PRKG1: variants seen among roughly 807,000 people sequenced by gnomAD.
PRKG1 encodes the protein protein kinase cGMP-dependent 1.
A neutral mutation model predicts 88.1 loss-of-function variants in PRKG1; 35 were observed. The ratio of observed to expected loss-of-function variants is 0.40; its 90% CI spans 0.30 to 0.53. The LOEUF (loss-of-function observed/expected upper bound fraction) is 0.53, where lower values mean the gene tolerates loss of function less well. Ranked by LOEUF, PRKG1 falls within the 20% of genes least tolerant of loss-of-function variation. The pLI is 0.59. For missense variants in PRKG1, 540 were observed against 839.8 expected (o/e 0.64, Z 4.41); for synonymous variants, 303 against 292.5 (o/e 1.04, Z -0.37).
intron 3 of PRKG1, among the ~76,000 whole-genome samples, chr10:51,623,295 G>A (rs182614306): frequency 6.6e-6 from 1 of 152,254 alleles, no homozygotes; most frequent in Admixed American, 6.5e-5. Flanking sequence ...CAACCTCCTG[G>A]GCTTAGGCAA....
At chr10:52,061,803 A>G (rs945487206) in intron 6 of PRKG1, among the ~76,000 whole-genome samples, 16 of 152,076 alleles carry the variant, frequency 1.1e-4, no homozygotes, top group African/African-American at 3.9e-4. Flanking sequence ...GTGGATTTTG[A>G]GGGATATAGT....
chr10:51,737,385 A>G (rs560903708), intron 3 of PRKG1, among the ~76,000 whole-genome samples: 1 of 152,300 alleles, frequency 6.6e-6, no homozygotes, highest in African/African-American at 2.4e-5. Context: ...GAAAATGCCT[A>G]TTATCTACTC....
intron 1 of PRKG1, among the ~76,000 whole-genome samples, chr10:51,047,834 T>A (rs556124050): frequency 2.0e-5 from 3 of 152,158 alleles, no homozygotes; most frequent in Non-Finnish European, 4.4e-5. Flanking sequence ...AGTATATATT[T>A]TTTTATAAAA....
chr10:52,273,219 C>G (rs1425092369), intron 12 of PRKG1, among the ~76,000 whole-genome samples: 3 of 151,970 alleles, frequency 2.0e-5, no homozygotes, highest in African/African-American at 7.2e-5. Flanking sequence ...TAAAATGTCT[C>G]AGGAGATCAT....
rs188112446 is a variant in PRKG1 at position 52,078,792 on chromosome 10, A to C, written c.935+16161A>C. Among the ~76,000 whole-genome samples the C allele has an allele frequency of 7.2e-5, 11 of 152,358 alleles. No homozygotes were observed. The East Asian group carries it at 2.1e-3, about 29-fold the overall frequency. On this transcript the variant is annotated intron_variant, in intron 7 of 17. Coordinates refer to ENST00000373980, the MANE Select transcript of PRKG1 (RefSeq NM_006258.4). ...CTTCTAGCAGTGTCTAAATATCCTG[A>C]AAAGTGCTGCTTAACCAAATAATTT...
intron 1 of PRKG1, among the ~76,000 whole-genome samples, chr10:51,133,857 A>T (rs1267268386): frequency 1.3e-5 from 2 of 152,240 alleles, no homozygotes; most frequent in Non-Finnish European, 2.9e-5. Flanking sequence ...TATATTAAAA[A>T]GATAAATGGG....
chr10:51,464,860 C>T (rs1286652502), intron 2 of PRKG1, among the ~76,000 whole-genome samples: 1 of 142,968 alleles, frequency 7.0e-6, no homozygotes, highest in African/African-American at 2.7e-5. Flanking sequence ...CACTGCACTC[C>T]AGCCTGGGCG....
At position 51,324,663 on chromosome 10, in the gene PRKG1, C is replaced by T. The variant is rs111860778; in HGVS notation, c.479-143060C>T. ...GGCTGAGGCAGGACAATGGCGTGAA[C>T]CTGGGAGGCGGAGCTTGCAGTGAGC... On this transcript the variant is annotated intron_variant, in intron 2 of 17. Transcript: ENST00000373980. Among the ~76,000 whole-genome samples the T allele has an allele frequency of 5.9e-3, 895 of 152,088 alleles. 9 individuals carry two copies. The highest frequency in any genetic ancestry group is 7.3e-3 in the Non-Finnish European group (499 of 67,998).
intron 5 of PRKG1, among the ~76,000 whole-genome samples, chr10:52,039,230 G>T (rs562775535): frequency 1.1e-4 from 16 of 152,140 alleles, no homozygotes; most frequent in Non-Finnish European, 2.2e-4. Context: ...AGGGAGATAG[G>T]GGTGGGGCCA....
At chr10:51,778,089 TTTCTTCACAG>T (rs1337246106) in intron 3 of PRKG1, among the ~76,000 whole-genome samples, 1 of 152,194 alleles carries the variant, frequency 6.6e-6, no homozygotes, top group African/African-American at 2.4e-5. Context: ...CAGTACATTG[TTTCTTCACAG>T]TGTAAGCTTT....
intron 3 of PRKG1, among the ~76,000 whole-genome samples, chr10:51,702,192 C>G (rs1482505661): frequency 6.6e-6 from 1 of 152,132 alleles, no homozygotes; most frequent in Non-Finnish European, 1.5e-5. Flanking sequence ...ATGGGACAAA[C>G]AAGAAGGGGG....
chr10:52,295,553 A>G lies in PRKG1; in HGVS notation c.*1653A>G, dbSNP rs1477284952. 6.6e-6 allele frequency: 1 copy of G among 151,998 alleles called. No individual in the cohort carries two copies. The allele number at this position is 151,998 out of a possible 1,614,324, so 9.4% of individuals were successfully genotyped here. A position where few individuals can be genotyped will look rare whatever the true frequency, so the allele number is the denominator to read the frequency against. On this transcript the variant is annotated 3_prime_UTR_variant, in exon 18 of 18. Coordinates refer to ENST00000373980, the MANE Select transcript of PRKG1 (RefSeq NM_006258.4). ...AGCATTTCCTGGACAAAATTACATT[A>G]TACCTGTGAAGAAAAATATAGAAGC...
intron 3 of PRKG1, among the ~76,000 whole-genome samples, chr10:51,518,657 T>A (rs1452661169): frequency 2.0e-5 from 3 of 152,162 alleles, no homozygotes; most frequent in Admixed American, 2.0e-4. Flanking sequence ...AGTAGGGCAA[T>A]GAGCTTAAAA....
intron 7 of PRKG1, among the ~76,000 whole-genome samples, chr10:52,089,801 CTTCTTTT>C (rs1847005080): frequency 1.3e-5 from 1 of 78,464 alleles, no homozygotes; most frequent in Non-Finnish European, 2.4e-5. Context: ...TGTTTCTTTC[CTTCTTTT>C]TTTTTTTTTT....
intron 2 of PRKG1, among the ~76,000 whole-genome samples, chr10:51,177,437 C>A (rs531680929): frequency 2.5e-4 from 38 of 152,248 alleles, no homozygotes; most frequent in African/African-American, 8.9e-4. Flanking sequence ...TTGCTTATTT[C>A]TGATATGACT....
intron 3 of PRKG1, among the ~76,000 whole-genome samples, chr10:51,641,470 A>T (rs1007543583): frequency 6.6e-6 from 1 of 152,068 alleles, no homozygotes; most frequent in African/African-American, 2.4e-5. Context: ...GAGAGAGAAT[A>T]TTTCTGCTGG....
intron 4 of PRKG1, among the ~76,000 whole-genome samples, chr10:51,828,405 CCTGTGTTA>C (rs1839928618): frequency 6.6e-6 from 1 of 152,012 alleles, no homozygotes; most frequent in African/African-American, 2.4e-5. Flanking sequence ...TGTCATTCTT[CCTGTGTTA>C]CTGAGCAAAG....
intron 8 of PRKG1, among the ~76,000 whole-genome samples, chr10:52,153,160 C>G (rs1421982703): frequency 6.6e-6 from 1 of 152,054 alleles, no homozygotes; most frequent in East Asian, 1.9e-4. Context: ...TTCAGCCCAT[C>G]CATTGTGGAC....
chr10:51,687,207 C>T (rs1368740474), intron 3 of PRKG1, among the ~76,000 whole-genome samples: 2 of 152,152 alleles, frequency 1.3e-5, no homozygotes, highest in Admixed American at 6.6e-5. Context: ...AATTTGTACT[C>T]TTAATTATGA....
Sources: allele counts gnomAD v4.1 joint callset (sites outside exome capture counted in the v4.1 genomes callset), GRCh38; gene constraint gnomAD v4.1.1; transcripts MANE v1.5; gene names NCBI Gene and HGNC (gene_info 2026-07-23, HGNC 2026-07-21).